Variants in BOP1 observed in about 807,000 individuals in gnomAD.
The protein encoded by BOP1 is BOP1 ribosomal biogenesis factor.
BOP1 carries 54 observed loss-of-function variants against 82.9 expected under a neutral mutation model. That is an observed-to-expected ratio of 0.65 (90% CI 0.52 to 0.82). The LOEUF is 0.82. Among genes scored for constraint, BOP1 ranks in the 40% least tolerant of loss-of-function variants. The probability of loss-of-function intolerance (pLI) is 0.00; values close to 1 mark genes in which losing one functional copy is unlikely to be tolerated. For missense variants in BOP1, 1,170 were observed against 1,072.0 expected, an observed-to-expected ratio of 1.09 and a Z score of -1.28; for synonymous variants, 566 against 451.1, an observed-to-expected ratio of 1.25 and a Z score of -3.23.
chr8:144,287,777 T>C (rs987269939), intron 2 of BOP1, among the ~76,000 whole-genome samples: 7 of 152,258 alleles, frequency 4.6e-5, no homozygotes, highest in Middle Eastern at 3.4e-3. Flanking sequence ...AGTGGTATAA[T>C]TAAAGCCTGA....
chr8:144,289,333 C>G, intron 1 of BOP1, 29 bp from the exon 2 acceptor site: 1 of 1,607,516 alleles, frequency 6.2e-7, no homozygotes, highest in Non-Finnish European at 8.5e-7. Context: ...TTGGTGACAA[C>G]TGCCCCTCCA....
At chr8:144,265,479 A>C in intron 3 of BOP1, 1 of 251,748 alleles carries the variant, frequency 4.0e-6, no homozygotes, top group Non-Finnish European at 7.7e-6. Flanking sequence ...ACCCCAACTG[A>C]CCCATTCCAC....
At chr8:144,268,537 T>A in intron 3 of BOP1, 2 of 281,724 alleles carry the variant, frequency 7.1e-6, no homozygotes, top group Non-Finnish European at 1.3e-5. Context: ...GCCCCCAGCC[T>A]GAGCCTCCAT....
intron 3 of BOP1, among the ~76,000 whole-genome samples, chr8:144,272,916 CG>C (rs1554837956): frequency 6.6e-6 from 1 of 152,210 alleles, no homozygotes; most frequent in African/African-American, 2.4e-5. Context: ...TAGCAGGGCG[CG>C]CCCGTTTCCC....
chr8:144,283,283 C>T (rs1814769692), intron 2 of BOP1, among the ~76,000 whole-genome samples: 1 of 143,412 alleles, frequency 7.0e-6, no homozygotes, highest in African/African-American at 2.7e-5. Flanking sequence ...AACAAACAAA[C>T]AGAGAGAAAA....
At chr8:144,287,666 A>C (rs1814920255) in intron 2 of BOP1, among the ~76,000 whole-genome samples, 1 of 152,110 alleles carries the variant, frequency 6.6e-6, no homozygotes, top group Non-Finnish European at 1.5e-5. Context: ...TGCCTGGCCC[A>C]GTATTGTATC....
intron 3 of BOP1, among the ~76,000 whole-genome samples, chr8:144,273,602 C>G (rs1050137315): frequency 6.6e-6 from 1 of 152,376 alleles, no homozygotes. Flanking sequence ...TTCTCCCAAC[C>G]GCTCAAATCA....
At chr8:144,267,860 C>T (rs974212730) in intron 3 of BOP1, among the ~76,000 whole-genome samples, 18 of 152,232 alleles carry the variant, frequency 1.2e-4, no homozygotes, top group Admixed American at 2.0e-4. Flanking sequence ...TCCCAATCCC[C>T]ATTTCCTCTC....
rs988891940 is a variant in BOP1, at chr8:144,288,743, G to C, written c.309+352C>G. 6.6e-5 allele frequency among the ~76,000 whole-genome samples: 10 copies of C among 152,248 alleles called. No individual in the cohort carries two copies. In the South Asian group the frequency reaches 2.1e-3, roughly 32 times the overall value. The stretch of plus-strand genomic sequence containing the variant: ...GTTGGGGCCCCCATGCCGCCTGCTT[G>C]AGCCCTGCCATGCTGCTCAGCTCCC... On this transcript the variant is annotated intron_variant, in intron 2 of 15. Coordinates refer to ENST00000569669, the MANE Select transcript of BOP1 (RefSeq NM_015201.5).
At position 144,274,490 on chromosome 8, in the gene BOP1, G is replaced by A. The variant is rs1325711068; in HGVS notation, c.390+1734C>T. On this transcript the variant is annotated intron_variant, in intron 3 of 15. Transcript: ENST00000569669. The stretch of plus-strand genomic sequence containing the variant: ...CCCACTTTGCTCCAAGGGAACAGAG[G>A]CCCAGGCAGATGCGCACTTCTCTGG... 1.3e-5 allele frequency among the ~76,000 whole-genome samples: 2 copies of A among 152,216 alleles called. 1 individual carries two copies. Among genetic ancestry groups the A allele is most frequent in the Middle Eastern group, 6.3e-3 (2 of 316 alleles).
intron 3 of BOP1, among the ~76,000 whole-genome samples, chr8:144,270,662 T>A (rs1364927135): frequency 1.3e-5 from 2 of 152,108 alleles, no homozygotes; most frequent in East Asian, 3.9e-4. Flanking sequence ...TGGCGTGGGC[T>A]GACCCCCAGG....
At chr8:144,282,093 T>G (rs2130255985) in intron 2 of BOP1, among the ~76,000 whole-genome samples, 1 of 152,348 alleles carries the variant, frequency 6.6e-6, no homozygotes, top group African/African-American at 2.4e-5. Context: ...GAGAAGGCCC[T>G]GCAACCAGTC....
At position 144,291,308 on chromosome 8, in the gene BOP1, C is replaced by G; in HGVS notation, c.63G>C (p.Arg21=). ...GCTCAGGCTCCAGTTCGGGCTCAGA[C>G]CGCCGCTTCTCCGGCCGCACGCTCG... ...AAPSVRPEKR[R]SEPELEPEPE... is the part of the protein sequence containing the mutation. The change falls in exon 1 of 16, where the codon CGG becomes CGC. Residue 21 remains arginine (R), a synonymous_variant. Coordinates refer to ENST00000569669, the MANE Select transcript of BOP1 (RefSeq NM_015201.5). The surrounding 1 kb of genome is among the most constrained non-coding windows in gnomAD (Gnocchi z 4.1). 6.9e-7 allele frequency: 1 copy of G among 1,446,752 alleles called. No individual in the cohort carries two copies. The highest frequency in any genetic ancestry group is 9.1e-7 in the Non-Finnish European group (1 of 1,099,706). 89.6% of individuals were successfully genotyped at this position (1,446,752 alleles called of 1,614,324 possible).
intron 3 of BOP1, among the ~76,000 whole-genome samples, chr8:144,270,551 A>G (rs2130224560): frequency 6.6e-6 from 1 of 152,180 alleles, no homozygotes; most frequent in African/African-American, 2.4e-5. Context: ...CACCGGTAGC[A>G]GCGGCCGAGG....
Position 144,262,847 on chromosome 8 carries a change from C to T in BOP1, c.1894+6G>A. The T allele has an allele frequency of 7.1e-7, 1 of 1,400,784 alleles. No individual in the cohort carries two copies. The highest frequency in any genetic ancestry group is 9.4e-7 in the Non-Finnish European group (1 of 1,065,220). 86.8% of individuals were successfully genotyped at this position (1,400,784 alleles called of 1,614,324 possible). A position where few individuals can be genotyped will look rare whatever the true frequency, so the allele number is the denominator to read the frequency against. On this transcript the variant is annotated splice_donor_region_variant and intron_variant, in intron 13 of 15. Transcript: ENST00000569669. ...ACCTGCAGGGTGCACCGCCCCCACC[C>T]CTCACCTGCAGGGTGCACCGCCAGG...
chr8:144,273,538 C>A (rs913509551), intron 3 of BOP1, among the ~76,000 whole-genome samples: 1 of 152,238 alleles, frequency 6.6e-6, no homozygotes, highest in Non-Finnish European at 1.5e-5. Flanking sequence ...CGGCCACAGG[C>A]AGGGGGAGGG....
intron 3 of BOP1, chr8:144,268,593 T>A (rs1455390757): frequency 9.7e-6 from 2 of 206,162 alleles, no homozygotes; most frequent in Admixed American, 1.1e-4. Flanking sequence ...GTACCCCGGC[T>A]CCCTGGGAAG....
chr8:144,262,288 G>A lies in BOP1; in HGVS notation c.2117C>T (p.Pro706Leu), dbSNP rs961203664. 1.7e-5 allele frequency: 27 copies of A among 1,612,742 alleles called. No individual in the cohort carries two copies. Among genetic ancestry groups the A allele is most frequent in the African/African-American group, 2.7e-5 (2 of 74,896 alleles). Residue 706 changes from proline (P) to leucine (L), a missense_variant, in exon 16 of 16, where the codon CCC becomes CTC. Coordinates refer to ENST00000569669, the MANE Select transcript of BOP1 (RefSeq NM_015201.5). ...NDLLQNPLLVPVKVLKGHVLT... is the reference protein window; with the variant it reads ...NDLLQNPLLVLVKVLKGHVLT... ...CACGTGTCCCTTCAGCACCTTGACG[G>A]GCACCAGCAAGGGGTTCTGCAGAAG... is the stretch of plus-strand genomic sequence containing the variant.
intron 3 of BOP1, chr8:144,265,445 C>T (rs1845337754): frequency 5.7e-6 from 2 of 352,518 alleles, no homozygotes; most frequent in Non-Finnish European, 1.0e-5. Context: ...AAGTGGGCAG[C>T]TATAAGACGG....
Sources: allele counts gnomAD v4.1 joint callset (sites outside exome capture counted in the v4.1 genomes callset), GRCh38; gene constraint gnomAD v4.1.1; non-coding constraint Gnocchi (gnomAD v3.1); transcripts MANE v1.5; gene names NCBI Gene and HGNC (gene_info 2026-07-23, HGNC 2026-07-21).